The following ZNF521 variants were observed in gnomAD, a reference collection of about 807,000 sequenced individuals.
ZNF521 encodes zinc finger protein 521, also known as LYST-interacting protein 3.
ZNF521 carries 14 observed loss-of-function variants against 105.5 expected under a neutral mutation model. That is an observed-to-expected ratio of 0.13 (90% CI 0.09 to 0.21). The LOEUF (loss-of-function observed/expected upper bound fraction) is 0.21, where lower values mean the gene tolerates loss of function less well. Among genes scored for constraint, ZNF521 ranks in the 10% least tolerant of loss-of-function variants. The probability of loss-of-function intolerance (pLI) is 1.00; values close to 1 mark genes in which losing one functional copy is unlikely to be tolerated. For synonymous variants in ZNF521, 635 were observed against 606.0 expected (o/e 1.05, Z -0.70); for missense variants, 1,233 against 1,629.7 (o/e 0.76, Z 4.19).
intron 5 of ZNF521, among the ~76,000 whole-genome samples, chr18:25,168,116 G>T (rs1376419237): frequency 5.3e-5 from 8 of 152,134 alleles, no homozygotes; most frequent in Non-Finnish European, 1.2e-4. Context: ...GTGATTTAGT[G>T]CTCTGCATTA....
chr18:25,286,390 G>A (rs772732929), intron 3 of ZNF521, among the ~76,000 whole-genome samples: 48 of 152,168 alleles, frequency 3.2e-4, no homozygotes, highest in Admixed American at 7.9e-4. Context: ...CAAAGAGCTG[G>A]AGGATGAACA....
rs185275856 is a variant in ZNF521, at chr18:25,275,749, G to A, written c.220+46259C>T. Among the ~76,000 whole-genome samples the A allele has an allele frequency of 2.0e-4, 30 of 152,326 alleles. 1 individual carries two copies. The highest frequency in any genetic ancestry group is 1.9e-3 in the Admixed American group (29 of 15,304). On this transcript the variant is annotated intron_variant, in intron 3 of 7. Coordinates refer to ENST00000361524, the MANE Select transcript of ZNF521 (RefSeq NM_015461.3). ...GGAAAGGAAAGGGAAACAGGTCACA[G>A]GGCTAGACTGACCAGGATTGCCTAC... is the stretch of plus-strand genomic sequence containing the variant.
chr18:25,306,848 A>T (rs1354341405), intron 3 of ZNF521, among the ~76,000 whole-genome samples: 1 of 37,244 alleles, frequency 2.7e-5, no homozygotes, highest in African/African-American at 1.1e-4. Flanking sequence ...CTAAACCACA[A>T]TTCAAGAAAA....
intron 5 of ZNF521, among the ~76,000 whole-genome samples, chr18:25,132,181 A>G (rs778473645): frequency 6.6e-6 from 1 of 152,302 alleles, no homozygotes; most frequent in South Asian, 2.1e-4. Flanking sequence ...TTTTTCTGGG[A>G]AAAGGATCTT....
At chr18:25,181,386 A>C (rs1017714918) in intron 5 of ZNF521, among the ~76,000 whole-genome samples, 4 of 152,178 alleles carry the variant, frequency 2.6e-5, no homozygotes, top group Admixed American at 2.6e-4. Flanking sequence ...CATAACATGC[A>C]GCATGGAGCA....
chr18:25,285,758 G>A (rs1019161040), intron 3 of ZNF521, among the ~76,000 whole-genome samples: 43 of 151,472 alleles, frequency 2.8e-4, no homozygotes, highest in African/African-American at 1.0e-3. Context: ...GCACATGCAC[G>A]CATGGCTATA....
At chr18:25,314,055 GAATTAATATAGA>G (rs1009968552) in intron 3 of ZNF521, among the ~76,000 whole-genome samples, 38 of 151,964 alleles carry the variant, frequency 2.5e-4, no homozygotes, top group South Asian at 2.1e-4. Flanking sequence ...TATGAATAAT[GAATTAATATAGA>G]AATTAATATA....
intron 3 of ZNF521, among the ~76,000 whole-genome samples, chr18:25,258,192 GA>G (rs1291154167): frequency 6.6e-6 from 1 of 152,058 alleles, no homozygotes; most frequent in Non-Finnish European, 1.5e-5. Context: ...TTTGTTTTCA[GA>G]AAAAAAGTCA....
At chr18:25,121,465 C>T (rs558061748) in intron 5 of ZNF521, among the ~76,000 whole-genome samples, 63 of 152,064 alleles carry the variant, frequency 4.1e-4, no homozygotes, top group Non-Finnish European at 6.9e-4. Flanking sequence ...GTTGGCCAGG[C>T]TGGTCTCAAA....
At chr18:25,159,161 T>C (rs1164245026) in intron 5 of ZNF521, among the ~76,000 whole-genome samples, 1 of 152,172 alleles carries the variant, frequency 6.6e-6, no homozygotes, top group Non-Finnish European at 1.5e-5. Context: ...AACTTTAGGA[T>C]ATGGTTACAA....
chr18:25,259,966 C>T (rs1218543112), intron 3 of ZNF521, among the ~76,000 whole-genome samples: 1 of 152,198 alleles, frequency 6.6e-6, no homozygotes, highest in African/African-American at 2.4e-5. Context: ...GCAAGTGGGG[C>T]TACCAGAGCA....
At chr18:25,259,024 C>G (rs1455068229) in intron 3 of ZNF521, among the ~76,000 whole-genome samples, 1 of 152,114 alleles carries the variant, frequency 6.6e-6, no homozygotes, top group Non-Finnish European at 1.5e-5. Context: ...GAACCAAGAC[C>G]TAATATGTGC....
In ZNF521 at chr18:25,172,029, G is replaced by A. The variant is rs76271446; in HGVS notation, c.3658+23131C>T. 5.6e-3 allele frequency among the ~76,000 whole-genome samples: 856 copies of A among 151,908 alleles called. 9 individuals carry two copies. Among genetic ancestry groups the A allele is most frequent in the African/African-American group, 0.019 (797 of 41,422 alleles). On this transcript the variant is annotated intron_variant, in intron 5 of 7. Coordinates refer to ENST00000361524, the MANE Select transcript of ZNF521 (RefSeq NM_015461.3). ...ATATGATTCCTGCAGTTCTCTTTTG[G>A]GGGGGAAGAGGGGGCATGAGGTGGA...
chr18:25,105,482 T>C (rs1214181268), intron 5 of ZNF521, among the ~76,000 whole-genome samples: 2 of 152,170 alleles, frequency 1.3e-5, no homozygotes, highest in Non-Finnish European at 2.9e-5. Context: ...ACTCTTATTG[T>C]TGCTAAGATT....
In ZNF521 at chr18:25,226,496, G is replaced by A. The variant is rs375153888; in HGVS notation, c.1422C>T (p.Ala474=). ...AACAGAAGTTACACTGGTAGACAAT[G>A]GCAGGCATGGCAGAAACAATCAGAC... ...DPGLIVSAMP[A]IVYQCNFCSE... The change falls in exon 4 of 8, where the codon GCC becomes GCT. Residue 474 remains alanine (A), a synonymous_variant. Transcript: ENST00000361524. The surrounding 1 kb of genome is among the most constrained non-coding windows in gnomAD (Gnocchi z 4.1). 1.2e-6 allele frequency: 2 copies of A among 1,614,080 alleles called. No homozygotes were observed. The highest frequency in any genetic ancestry group is 2.7e-5 in the African/African-American group (2 of 74,936).
At chr18:25,150,564 A>T (rs28609539) in intron 5 of ZNF521, among the ~76,000 whole-genome samples, 279 of 152,278 alleles carry the variant, frequency 1.8e-3, no homozygotes, top group African/African-American at 6.3e-3. Context: ...TTGGAGAAAA[A>T]CCAAGAGAAG....
intron 4 of ZNF521, among the ~76,000 whole-genome samples, chr18:25,212,651 GACTT>G (rs1347044952): frequency 6.9e-6 from 1 of 144,996 alleles, no homozygotes; most frequent in Non-Finnish European, 1.5e-5. Context: ...ATAACTGACA[GACTT>G]ACAGTATTGA....
chr18:25,285,578 A>T (rs1288296528), intron 3 of ZNF521, among the ~76,000 whole-genome samples: 6 of 152,150 alleles, frequency 3.9e-5, no homozygotes, highest in Non-Finnish European at 7.4e-5. Context: ...GAAAACAGAC[A>T]CTTTCCAACA....
chr18:25,119,587 A>C (rs2034394383), intron 5 of ZNF521, among the ~76,000 whole-genome samples: 1 of 152,124 alleles, frequency 6.6e-6, no homozygotes, highest in South Asian at 2.1e-4. Flanking sequence ...CCATGGGTCC[A>C]AAAAGAAATC....
Sources: allele counts gnomAD v4.1 joint callset (sites outside exome capture counted in the v4.1 genomes callset), GRCh38; gene constraint gnomAD v4.1.1; non-coding constraint Gnocchi (gnomAD v3.1); transcripts MANE v1.5; gene names NCBI Gene and HGNC (gene_info 2026-07-23, HGNC 2026-07-21).